The following RANBP9 variants were observed in gnomAD, a reference collection of about 807,000 sequenced individuals.
RANBP9 encodes RAN binding protein 9, also known as ran-binding protein 9.
In RANBP9, 15 loss-of-function variants were observed where a neutral mutation model predicts 84.3. The observed-to-expected ratio is 0.18, with a 90% CI of 0.12 to 0.27. RANBP9 has a LOEUF of 0.27. Ranked by LOEUF, RANBP9 falls within the 10% of genes least tolerant of loss-of-function variation. The pLI, the probability that RANBP9 is intolerant of heterozygous loss-of-function variation, is 1.00. For missense variants in RANBP9, 809 were observed against 912.8 expected (o/e 0.89, Z 1.46); for synonymous variants, 392 against 349.6 (o/e 1.12, Z -1.35).
At chr6:13,630,762 C>T (rs376252517) in intron 12 of RANBP9, among the ~76,000 whole-genome samples, 2 of 151,990 alleles carry the variant, frequency 1.3e-5, no homozygotes, top group Non-Finnish European at 2.9e-5. Flanking sequence ...GGTCTGTATG[C>T]GAATACAGCT....
At chr6:13,671,654 G>T (rs772515668) in intron 2 of RANBP9, among the ~76,000 whole-genome samples, 5 of 152,010 alleles carry the variant, frequency 3.3e-5, no homozygotes, top group Non-Finnish European at 7.4e-5. Context: ...AGTGTTTTGG[G>T]GTTCCTTTTT....
At chr6:13,633,721 A>G (rs1476057148) in intron 11 of RANBP9, among the ~76,000 whole-genome samples, 1 of 152,216 alleles carries the variant, frequency 6.6e-6, no homozygotes, top group South Asian at 2.1e-4. Context: ...TTTTTAAAAA[A>G]CAATTTTAGT....
Position 13,644,589 on chromosome 6 carries a change from A to G in RANBP9, c.1068T>C (p.Phe356=). Residue 356 remains phenylalanine, a synonymous_variant, in exon 6 of 14, where the codon TTT becomes TTC. Coordinates refer to ENST00000011619, the MANE Select transcript of RANBP9 (RefSeq NM_005493.3). ...RTKIQAQIDR[F]PIGDREGEWQ... ...ATTCTCCTTCTCGATCTCCGATAGGAAATCGATCTATCTGTGCCTGGATTT... is the reference window on the plus strand; with the variant it reads ...ATTCTCCTTCTCGATCTCCGATAGGGAATCGATCTATCTGTGCCTGGATTT... 1 of 1,613,204 alleles carries G rather than the reference A, an allele frequency of 6.2e-7. No homozygotes were observed. Among genetic ancestry groups the G allele is most frequent in the Non-Finnish European group, 8.5e-7 (1 of 1,179,612 alleles).
chr6:13,654,134 G>A (rs569038119), intron 4 of RANBP9, among the ~76,000 whole-genome samples: 21 of 151,980 alleles, frequency 1.4e-4, no homozygotes, highest in Admixed American at 4.6e-4. Context: ...AAACTCTAAC[G>A]AAAAATTCAA....
intron 2 of RANBP9, among the ~76,000 whole-genome samples, chr6:13,688,186 C>T (rs1390327821): frequency 6.6e-6 from 1 of 152,218 alleles, no homozygotes; most frequent in Non-Finnish European, 1.5e-5. Context: ...TACAAAACCA[C>T]AGAACCAGTT....
intron 12 of RANBP9, among the ~76,000 whole-genome samples, 174 bp downstream of exon 12, chr6:13,632,188 CCAGTAGAT>C (rs1311471710): frequency 9.4e-6 from 1 of 106,560 alleles, no homozygotes; most frequent in East Asian, 3.3e-4. Context: ...AATGCTCTTT[CCAGTAGAT>C]CAGAACTGCC....
intron 5 of RANBP9, among the ~76,000 whole-genome samples, 195 bp downstream of exon 5, chr6:13,652,462 TCC>T (rs1204494695): frequency 2.0e-5 from 3 of 152,192 alleles, no homozygotes; most frequent in African/African-American, 7.2e-5. Context: ...ATACAATGAA[TCC>T]AGTGCAAGTT....
intron 1 of RANBP9, among the ~76,000 whole-genome samples, chr6:13,710,517 T>C (rs1003857007): frequency 1.1e-4 from 17 of 151,778 alleles, no homozygotes; most frequent in African/African-American, 4.1e-4. Context: ...GTGCCTCTCT[T>C]CCCCCCTTGT....
intron 13 of RANBP9, among the ~76,000 whole-genome samples, chr6:13,623,320 G>C (rs1257402388): frequency 3.9e-5 from 6 of 152,098 alleles, no homozygotes; most frequent in Non-Finnish European, 8.8e-5. Context: ...TGACAACAAA[G>C]GGCAAAAACA....
intron 1 of RANBP9, among the ~76,000 whole-genome samples, chr6:13,706,212 C>A (rs1447681271): frequency 2.0e-5 from 3 of 152,088 alleles, no homozygotes; most frequent in African/African-American, 7.2e-5. Context: ...GGCGTCGCGG[C>A]GGGCACCTGT....
intron 1 of RANBP9, among the ~76,000 whole-genome samples, chr6:13,706,248 G>T (rs1340558747): frequency 6.6e-6 from 1 of 152,198 alleles, no homozygotes; most frequent in Non-Finnish European, 1.5e-5. Flanking sequence ...GAAGGCTGAG[G>T]CAGGAAAATG....
At chr6:13,647,609 A>C (rs1217308595) in intron 5 of RANBP9, among the ~76,000 whole-genome samples, 1 of 152,196 alleles carries the variant, frequency 6.6e-6, no homozygotes, top group East Asian at 1.9e-4. Flanking sequence ...TTTAGAAAGA[A>C]GTCTAAAAGG....
intron 2 of RANBP9, among the ~76,000 whole-genome samples, chr6:13,662,504 T>C (rs983252218): frequency 1.3e-5 from 2 of 152,106 alleles, no homozygotes; most frequent in Admixed American, 6.6e-5. Context: ...GTCCCTAATA[T>C]GGTGGTATTA....
rs540531465 is a variant in RANBP9 at position 13,628,251 on chromosome 6, T to C, written c.1948-2487A>G. ...TCTAAAATTTTTCTCTGGTATTTCATTTTCAGTACAGTTCAACATACAGCT... is the reference window on the plus strand; with the variant it reads ...TCTAAAATTTTTCTCTGGTATTTCACTTTCAGTACAGTTCAACATACAGCT... On this transcript the variant is annotated intron_variant, in intron 12 of 13. Transcript: ENST00000011619. Among the ~76,000 whole-genome samples the C allele has an allele frequency of 1.8e-4, 28 of 152,322 alleles. No homozygotes were observed. The South Asian group carries it at 5.8e-3, about 32-fold the overall frequency.
At chr6:13,629,891 CTCTG>C (rs1489059704) in intron 12 of RANBP9, among the ~76,000 whole-genome samples, 2 of 126,410 alleles carry the variant, frequency 1.6e-5, no homozygotes, top group Non-Finnish European at 3.3e-5. Flanking sequence ...TCTCTCATGT[CTCTG>C]TCTCTCTCTC....
chr6:13,681,890 G>A lies in RANBP9; in HGVS notation c.683+14895C>T, dbSNP rs145549267. On this transcript the variant is annotated intron_variant, in intron 2 of 13. Coordinates refer to ENST00000011619, the MANE Select transcript of RANBP9 (RefSeq NM_005493.3). ...TTCCTTTTTTTTTTGAGAGAGAGTC[G>A]TGCTGTCACCCAGGCCAGAGTGCAG... Among the ~76,000 whole-genome samples the A allele has an allele frequency of 7.6e-3, 1,155 of 151,612 alleles. 11 individuals carry two copies. Among genetic ancestry groups the A allele is most frequent in the African/African-American group, 0.026 (1,078 of 41,332 alleles).
Position 13,622,203 on chromosome 6 carries a change from A to G in RANBP9, c.*159T>C. 1.5e-6 allele frequency: 1 copy of G among 660,708 alleles called. No individual in the cohort carries two copies. The allele number at this position is 660,708 out of a possible 1,614,324, so 40.9% of individuals were successfully genotyped here. A position where few individuals can be genotyped will look rare whatever the true frequency, so the allele number is the denominator to read the frequency against. On this transcript the variant is annotated 3_prime_UTR_variant, in exon 14 of 14. Transcript: ENST00000011619. The stretch of plus-strand genomic sequence containing the variant: ...ATTTCTCCTAACACTAAGTTAGAAA[A>G]TCATTTGCATCATGCTGTAAACTAG...
intron 12 of RANBP9, among the ~76,000 whole-genome samples, chr6:13,628,718 A>C (rs1764693313): frequency 6.6e-6 from 1 of 152,246 alleles, no homozygotes. Context: ...AAACTGGCAA[A>C]ACAATACTAA....
In RANBP9 at chr6:13,625,769, T is replaced by A; in HGVS notation, c.1948-5A>T. The A allele has an allele frequency of 6.4e-7, 1 of 1,560,742 alleles. No homozygotes were observed. The highest frequency in any genetic ancestry group is 8.8e-7 in the Non-Finnish European group (1 of 1,131,810). ...TGCTAGTAGACTGAATGCATCCTGT[T>A]GAAAACACATCGATTTGGTTTTAAT... is the stretch of plus-strand genomic sequence containing the variant. On this transcript the variant is annotated splice_polypyrimidine_tract_variant and splice_region_variant and intron_variant, in intron 12 of 13. Transcript: ENST00000011619.
Sources: allele counts gnomAD v4.1 joint callset (sites outside exome capture counted in the v4.1 genomes callset), GRCh38; gene constraint gnomAD v4.1.1; transcripts MANE v1.5; gene names NCBI Gene and HGNC (gene_info 2026-07-23, HGNC 2026-07-21).